The following BRCA2 variants were observed in gnomAD, a reference collection of about 807,000 sequenced individuals.
The protein encoded by BRCA2 is BRCA2 DNA repair associated.
BRCA2 carries 203 observed loss-of-function variants against 276.7 expected under a neutral mutation model. The observed-to-expected ratio is 0.73, with a 90% confidence interval of 0.65 to 0.82. BRCA2 has a LOEUF of 0.82. Ranked by LOEUF, BRCA2 falls within the 40% of genes least tolerant of loss-of-function variation. The probability of loss-of-function intolerance (pLI) is 0.00; values close to 1 mark genes in which losing one functional copy is unlikely to be tolerated. For missense variants in BRCA2, 3,920 were observed against 3,915.0 expected, an observed-to-expected ratio of 1.00 and a Z score of -0.03; for synonymous variants, 1,289 against 1,338.4, an observed-to-expected ratio of 0.96 and a Z score of 0.81.
In BRCA2 at chr13:32,337,177, T is replaced by G. The variant is rs398122754; in HGVS notation, c.2822T>G (p.Val941Gly). 1.9e-6 allele frequency: 3 copies of G among 1,613,594 alleles called. No homozygotes were observed. The African/African-American group carries it at 4.0e-5, about 22-fold the overall frequency. ...ACAGGTGATAAACAAGCAACCCAAG[T>G]GTCAATTAAAAAAGATTTGGTTTAT... ...GDTGDKQATQ[V>G]SIKKDLVYVL... The change falls in exon 11 of 27, where the codon GTG becomes GGG. Residue 941 changes from valine to glycine, a missense_variant. Coordinates refer to ENST00000380152, the MANE Select transcript of BRCA2 (RefSeq NM_000059.4).
At chr13:32,385,017 C>A (rs972286246) in intron 24 of BRCA2, 2 of 356,130 alleles carry the variant, frequency 5.6e-6, no homozygotes, top group Non-Finnish European at 5.4e-6. Flanking sequence ...CTTACCTGGA[C>A]AAGGTAGAGA....
intron 24 of BRCA2, among the ~76,000 whole-genome samples, chr13:32,389,802 C>G (rs1292041326): frequency 3.3e-5 from 5 of 152,186 alleles, no homozygotes; most frequent in African/African-American, 1.2e-4. Context: ...ATCCTGGAAC[C>G]TTTCCTTATG....
At chr13:32,365,415 T>C (rs2072774293) in intron 18 of BRCA2, among the ~76,000 whole-genome samples, 1 of 152,094 alleles carries the variant, frequency 6.6e-6, no homozygotes, top group Non-Finnish European at 1.5e-5. Flanking sequence ...AGTCTCGCTC[T>C]TGTTGCCCAG....
chr13:32,395,797 A>G (rs2073031491), intron 25 of BRCA2, among the ~76,000 whole-genome samples: 1 of 152,116 alleles, frequency 6.6e-6, no homozygotes. Flanking sequence ...GAGTAGCTGT[A>G]TAAAGAAAGC....
chr13:32,322,943 C>T (rs897848616), intron 3 of BRCA2, among the ~76,000 whole-genome samples: 5 of 152,226 alleles, frequency 3.3e-5, no homozygotes, highest in Admixed American at 6.5e-5. Context: ...CCAAAGAGCA[C>T]GATTGTGGGA....
chr13:32,395,972 T>TC, intron 25 of BRCA2: 1 of 251,300 alleles, frequency 4.0e-6, no homozygotes, highest in East Asian at 1.4e-4. Flanking sequence ...TTTTTTTTTT[T>TC]TTTTTTTTTT....
At position 32,337,604 on chromosome 13, in the gene BRCA2, T is replaced by C. The variant is rs876659029; in HGVS notation, c.3249T>C (p.Asn1083=). The C allele has an allele frequency of 1.3e-6, 2 of 1,593,724 alleles. No homozygotes were observed. The highest frequency in any genetic ancestry group is 1.7e-6 in the Non-Finnish European group (2 of 1,170,344). ...QSSVVVSDCK[N]SHITPQMLFS... ...GTGTAGTTGTTTCTGATTGTAAAAA[T>C]AGTCATATAACCCCTCAGATGTTAT... is the stretch of plus-strand genomic sequence containing the variant. Residue 1083 remains asparagine (N), a synonymous_variant, in exon 11 of 27, where the codon AAT becomes AAC. Transcript: ENST00000380152.
chr13:32,363,708 A>C (rs930142391), intron 18 of BRCA2, among the ~76,000 whole-genome samples, 175 bp downstream of exon 18: 16 of 152,328 alleles, frequency 1.1e-4, no homozygotes, highest in African/African-American at 3.8e-4. Flanking sequence ...AGTTTTTGGG[A>C]GGTCCAGAGA....
At chr13:32,319,647 T>A (rs2072293063) in intron 3 of BRCA2, among the ~76,000 whole-genome samples, 1 of 152,216 alleles carries the variant, frequency 6.6e-6, no homozygotes, top group Admixed American at 6.5e-5. Flanking sequence ...TAAACTATAT[T>A]TCTGCAAGCT....
At chr13:32,379,646 C>T in intron 22 of BRCA2, 104 bp from the exon 23 acceptor site, 1 of 1,500,904 alleles carries the variant, frequency 6.7e-7, no homozygotes, top group East Asian at 2.3e-5. Flanking sequence ...ACTACTAATG[C>T]CCACAAAGAG....
At chr13:32,370,309 G>A (rs756571614) in intron 18 of BRCA2, 93 bp from the exon 19 acceptor site, 13 of 1,237,462 alleles carry the variant, frequency 1.1e-5, no homozygotes, top group Non-Finnish European at 1.5e-5. Flanking sequence ...TATTTTTAAG[G>A]CAGTTCTAGA....
chr13:32,324,535 G>C (rs2072329724), intron 3 of BRCA2, among the ~76,000 whole-genome samples: 1 of 152,182 alleles, frequency 6.6e-6, no homozygotes, highest in South Asian at 2.1e-4. Flanking sequence ...ACTTGATCTT[G>C]AAAAGTAAGA....
chr13:32,320,988 C>T (rs998137814), intron 3 of BRCA2, among the ~76,000 whole-genome samples: 12 of 151,992 alleles, frequency 7.9e-5, no homozygotes, highest in Non-Finnish European at 1.3e-4. Flanking sequence ...TGAATGATCC[C>T]TATAGAAAGA....
rs370721506 is a variant in BRCA2 at position 32,315,510 on chromosome 13, A to C, written c.-197A>C. ...GCGAGCTTCTGAAACTAGGCGGCAG[A>C]GGCGGAGCCGCTGTGGCACTGCTGC... On this transcript the variant is annotated 5_prime_UTR_variant, in exon 1 of 27. Transcript: ENST00000380152. The C allele has an allele frequency of 1.8e-4, 28 of 152,294 alleles. No individual in the cohort carries two copies. Among genetic ancestry groups the C allele is most frequent in the African/African-American group, 6.5e-4 (27 of 41,456 alleles). The allele number at this position is 152,294 out of a possible 1,614,324, so 9.4% of individuals were successfully genotyped here.
intron 2 of BRCA2, among the ~76,000 whole-genome samples, chr13:32,317,816 T>A (rs922436269): frequency 4.6e-5 from 7 of 152,266 alleles, no homozygotes; most frequent in Non-Finnish European, 1.0e-4. Flanking sequence ...TGAGAAAATG[T>A]CTACCAAATT....
At position 32,316,458 on chromosome 13, in the gene BRCA2, A is replaced by G. The variant is rs431825277; in HGVS notation, c.-3A>G. 5 of 1,613,530 alleles carry G rather than the reference A, an allele frequency of 3.1e-6. No individual in the cohort carries two copies. The South Asian group carries it at 5.5e-5, about 18-fold the overall frequency. ...AAGCATTGGAGGAATATCGTAGGTA[A>G]AAATGCCTATTGGATCCAAAGAGAG... On this transcript the variant is annotated 5_prime_UTR_variant, in exon 2 of 27. Transcript: ENST00000380152.
At chr13:32,387,105 C>A (rs961943775) in intron 24 of BRCA2, among the ~76,000 whole-genome samples, 1 of 152,098 alleles carries the variant, frequency 6.6e-6, no homozygotes, top group Non-Finnish European at 1.5e-5. Context: ...CTAAATTTCC[C>A]CATATATTAG....
Position 32,379,327 on chromosome 13 carries a change from G to C in BRCA2, c.8765G>C (p.Ser2922Thr), listed in dbSNP as rs730881567. 6.2e-7 allele frequency: 1 copy of C among 1,613,684 alleles called. No homozygotes were observed. Among genetic ancestry groups the C allele is most frequent in the Non-Finnish European group, 8.5e-7 (1 of 1,179,790 alleles). ...ADPAYLEGYF[S>T]EEQLRALNNH... is the part of the protein sequence containing the mutation. Reference sequence around the variant, plus strand: ...CTTAAATGGTCACAGGGTTATTTCAGTGAAGAGCAGTTAAGAGCCTTGAAT... The same window carrying C: ...CTTAAATGGTCACAGGGTTATTTCACTGAAGAGCAGTTAAGAGCCTTGAAT... Residue 2922 changes from serine to threonine, a missense_variant, in exon 22 of 27, where the codon AGT (serine) becomes ACT (threonine). Physicochemically the swap from Ser to Thr is moderately conservative, Grantham distance 58. Transcript: ENST00000380152.
rs35930474 is a variant in BRCA2 at position 32,399,786 on chromosome 13, CTTT to C, written c.*1029_*1031del. 5.0e-5 allele frequency: 7 copies of C among 139,274 alleles called. No homozygotes were observed. Among genetic ancestry groups the C allele is most frequent in the East Asian group, 2.0e-4 (1 of 5,004 alleles). 8.6% of individuals were successfully genotyped at this position (139,274 alleles called of 1,614,324 possible). A position where few individuals can be genotyped will look rare whatever the true frequency, so the allele number is the denominator to read the frequency against. ...AGATGATACTCTCATTTGTTACGTCCTTTTTTTTTTTTTTTGGAGATGGAGTCT... is the reference window on the plus strand; with the variant it reads ...AGATGATACTCTCATTTGTTACGTCCTTTTTTTTTTTTGGAGATGGAGTCT... On this transcript the variant is annotated 3_prime_UTR_variant, in exon 27 of 27. Coordinates refer to ENST00000380152, the MANE Select transcript of BRCA2 (RefSeq NM_000059.4).
Sources: allele counts gnomAD v4.1 joint callset (sites outside exome capture counted in the v4.1 genomes callset), GRCh38; gene constraint gnomAD v4.1.1; transcripts MANE v1.5; gene names NCBI Gene and HGNC (gene_info 2026-07-23, HGNC 2026-07-21).